The following GRID1 variants were observed in gnomAD, a reference collection of about 807,000 sequenced individuals.
The protein encoded by GRID1 is glutamate receptor ionotropic, delta-1.
GRID1 carries 28 observed loss-of-function variants against 98.0 expected under a neutral mutation model. The ratio of observed to expected loss-of-function variants is 0.29; its 90% CI spans 0.21 to 0.39. The LOEUF is 0.39. Among genes scored for constraint, GRID1 ranks in the 10% least tolerant of loss-of-function variants. GRID1 has a pLI of 1.00. For missense variants in GRID1, 1,111 were observed against 1,340.5 expected (o/e 0.83, Z 2.67); for synonymous variants, 553 against 538.5 (o/e 1.03, Z -0.37).
At chr10:85,683,562 C>G (rs1371999062) in intron 12 of GRID1, among the ~76,000 whole-genome samples, 1 of 152,164 alleles carries the variant, frequency 6.6e-6, no homozygotes, top group African/African-American at 2.4e-5. Flanking sequence ...CTCCTTTCCT[C>G]ATTAAAAGCA....
rs1454871439 is a variant in GRID1 at position 85,774,780 on chromosome 10, C to T, written c.1234-45166G>A. Among the ~76,000 whole-genome samples the T allele has an allele frequency of 2.7e-5, 4 of 149,798 alleles. No individual in the cohort carries two copies. The East Asian group carries it at 7.9e-4, about 30-fold the overall frequency. ...GCAAATCAAAACCACAATGAGATAC[C>T]ATCTCACACCAGTTAGAATGGCAAT... On this transcript the variant is annotated intron_variant, in intron 8 of 15. Coordinates refer to ENST00000327946, the MANE Select transcript of GRID1 (RefSeq NM_017551.3).
intron 3 of GRID1, among the ~76,000 whole-genome samples, chr10:86,149,939 C>T (rs959131696): frequency 6.6e-6 from 1 of 152,222 alleles, no homozygotes; most frequent in African/African-American, 2.4e-5. Flanking sequence ...TTGCAATTCC[C>T]TTCCATCAGC....
intron 5 of GRID1, among the ~76,000 whole-genome samples, chr10:85,904,268 A>G (rs958226153): frequency 2.0e-5 from 3 of 152,262 alleles, no homozygotes; most frequent in Non-Finnish European, 2.9e-5. Context: ...TTTGCAAGAC[A>G]CTGGAAAATA....
At chr10:85,977,481 C>A (rs1476039820) in intron 4 of GRID1, among the ~76,000 whole-genome samples, 5 of 152,134 alleles carry the variant, frequency 3.3e-5, no homozygotes, top group Non-Finnish European at 7.4e-5. Context: ...TGAATTCAGC[C>A]CATGGGCAGT....
chr10:86,307,621 G>A (rs1480609780), intron 2 of GRID1, among the ~76,000 whole-genome samples: 1 of 152,134 alleles, frequency 6.6e-6, no homozygotes, highest in Non-Finnish European at 1.5e-5. Context: ...TGCACAGCAC[G>A]AAGATTATAG....
chr10:86,238,136 G>GCC (rs1846570510), intron 2 of GRID1, among the ~76,000 whole-genome samples: 1 of 152,216 alleles, frequency 6.6e-6, no homozygotes, highest in African/African-American at 2.4e-5. Context: ...AAGAATTCAA[G>GCC]CAGGCTGCAG....
chr10:86,256,598 G>C (rs939010945), intron 2 of GRID1, among the ~76,000 whole-genome samples: 1 of 150,952 alleles, frequency 6.6e-6, no homozygotes, highest in African/African-American at 2.4e-5. Context: ...ATCTCTCTTT[G>C]TCTCTCTCTC....
rs541113305 is a variant in GRID1, at chr10:85,952,356, G to A, written c.727-36117C>T. On this transcript the variant is annotated intron_variant, in intron 4 of 15. Transcript: ENST00000327946. The stretch of plus-strand genomic sequence containing the variant: ...AAAATAGCCTGGTTTTGTTTGTTTT[G>A]CTTTTAAGATCCATCCAGAGGAAAA... Among the ~76,000 whole-genome samples, 11 of 152,284 alleles carry A rather than the reference G, an allele frequency of 7.2e-5. No homozygotes were observed. In the South Asian group the frequency reaches 2.3e-3, roughly 32 times the overall value.
intron 3 of GRID1, 57 bp from the exon 4 acceptor site, chr10:86,139,081 CGGGA>C: frequency 3.2e-6 from 4 of 1,259,238 alleles, no homozygotes; most frequent in Non-Finnish European, 4.6e-6. Flanking sequence ...GGAATGCACC[CGGGA>C]GGGTGTCTAA....
At chr10:86,002,001 CCTCT>C (rs367612030) in intron 4 of GRID1, among the ~76,000 whole-genome samples, 4 of 152,260 alleles carry the variant, frequency 2.6e-5, no homozygotes, top group African/African-American at 9.6e-5. Flanking sequence ...CACATGGCCA[CCTCT>C]CTCTGTGTCC....
chr10:85,822,708 A>T (rs937827846), intron 8 of GRID1, among the ~76,000 whole-genome samples: 4 of 152,198 alleles, frequency 2.6e-5, no homozygotes, highest in African/African-American at 7.2e-5. Context: ...AAAAGATTAT[A>T]AATCATGCTG....
In GRID1 at chr10:85,639,661, G is replaced by T. The variant is rs527360680; in HGVS notation, c.2193+7541C>A. Among the ~76,000 whole-genome samples the T allele has an allele frequency of 3.3e-5, 5 of 152,254 alleles. No homozygotes were observed. In the East Asian group the frequency reaches 7.7e-4, roughly 23 times the overall value. ...GGCCGAGGCAGGCAGATCACCTGAG[G>T]TCGGGAGTTTGAGACCAGCCTGGCC... On this transcript the variant is annotated intron_variant, in intron 13 of 15. Coordinates refer to ENST00000327946, the MANE Select transcript of GRID1 (RefSeq NM_017551.3).
intron 8 of GRID1, among the ~76,000 whole-genome samples, chr10:85,743,726 G>A (rs10887526): frequency 3.9e-5 from 6 of 152,010 alleles, no homozygotes; most frequent in Admixed American, 6.6e-5. Context: ...AATTTTGCAC[G>A]AACCTAATAT....
chr10:86,365,235 C>T lies in GRID1; in HGVS notation c.79+1079G>A, dbSNP rs1589464609. On this transcript the variant is annotated intron_variant, in intron 1 of 15. Coordinates refer to ENST00000327946, the MANE Select transcript of GRID1 (RefSeq NM_017551.3). The surrounding 1 kb of genome is among the most constrained non-coding windows in gnomAD (Gnocchi z 4.8). ...AGCCCAGGCCTAGTCCTCACCACCC[C>T]ACTCCACCACCCACCCTCCCGCCTT... Among the ~76,000 whole-genome samples, 1 of 152,146 alleles carries T rather than the reference C, an allele frequency of 6.6e-6. No homozygotes were observed. Among genetic ancestry groups the T allele is most frequent in the East Asian group, 1.9e-4 (1 of 5,186 alleles).
chr10:85,689,529 C>A (rs1316812285), intron 12 of GRID1, among the ~76,000 whole-genome samples: 1 of 151,158 alleles, frequency 6.6e-6, no homozygotes, highest in African/African-American at 2.4e-5. Context: ...TCAGAAGTTG[C>A]TGATATACAT....
At chr10:85,962,861 G>A (rs1842288031) in intron 4 of GRID1, among the ~76,000 whole-genome samples, 3 of 152,068 alleles carry the variant, frequency 2.0e-5, no homozygotes, top group African/African-American at 4.8e-5. Context: ...CCCGACTCTG[G>A]GACAAGCTAG....
At chr10:86,217,816 C>T (rs1846197464) in intron 2 of GRID1, among the ~76,000 whole-genome samples, 1 of 152,144 alleles carries the variant, frequency 6.6e-6, no homozygotes, top group Non-Finnish European at 1.5e-5. Context: ...TAACAGACCA[C>T]TGAGAAGCCC....
chr10:86,317,769 C>T (rs1847919271), intron 2 of GRID1, among the ~76,000 whole-genome samples: 1 of 152,048 alleles, frequency 6.6e-6, no homozygotes, highest in Admixed American at 6.6e-5. Context: ...TAGACATGGT[C>T]GCACTCTGTC....
chr10:86,253,900 C>T (rs990653198), intron 2 of GRID1, among the ~76,000 whole-genome samples: 1 of 152,190 alleles, frequency 6.6e-6, no homozygotes, highest in Non-Finnish European at 1.5e-5. Flanking sequence ...TCCCTCACCT[C>T]AGGTATGTGA....
Sources: gnomAD v4.1 joint callset for allele counts (sites outside exome capture counted in the v4.1 genomes callset) on GRCh38, gnomAD v4.1.1 for gene constraint, Gnocchi (gnomAD v3.1) non-coding constraint, MANE v1.5 for transcripts, NCBI Gene and HGNC (gene_info 2026-07-23, HGNC 2026-07-21) for gene names.